Variants in TOGARAM2 observed in about 807,000 individuals in gnomAD.
TOGARAM2 encodes the protein TOG array regulator of axonemal microtubules 2, also known as TOG array regulator of axonemal microtubules protein 2.
Under a neutral mutation model 93.3 loss-of-function variants are expected in TOGARAM2, and 85 were observed. The ratio of observed to expected loss-of-function variants is 0.91; its 90% confidence interval spans 0.76 to 1.09. TOGARAM2 has a LOEUF of 1.09. Ranked by LOEUF, TOGARAM2 falls within the 50% of genes least tolerant of loss-of-function variation. The probability of loss-of-function intolerance (pLI) is 0.00; values close to 1 mark genes in which losing one functional copy is unlikely to be tolerated. For synonymous variants in TOGARAM2, 593 were observed against 552.8 expected (o/e 1.07, Z -1.02); for missense variants, 1,277 against 1,334.5 (o/e 0.96, Z 0.67).
chr2:29,007,962 G>C (rs532702929), intron 6 of TOGARAM2, among the ~76,000 whole-genome samples: 11 of 151,918 alleles, frequency 7.2e-5, no homozygotes, highest in African/African-American at 2.7e-4. Context: ...CATCTCCACT[G>C]TTCCATGTCT....
Position 29,017,968 on chromosome 2 carries a change from C to G in TOGARAM2, c.1360+12C>G. 5 of 1,587,594 alleles carry G rather than the reference C, an allele frequency of 3.1e-6. No homozygotes were observed. The highest frequency in any genetic ancestry group is 4.3e-6 in the Non-Finnish European group (5 of 1,165,580). ...CCGCCACGCCTCAGGTGGGCAGGCC[C>G]GACTGGCAGGCACACGTGTCCCTCT... is the stretch of plus-strand genomic sequence containing the variant. On this transcript the variant is annotated intron_variant, in intron 10 of 19. Transcript: ENST00000379558.
intron 11 of TOGARAM2, among the ~76,000 whole-genome samples, chr2:29,022,594 A>G (rs564899890): frequency 6.6e-6 from 1 of 152,344 alleles, no homozygotes; most frequent in African/African-American, 2.4e-5. Context: ...GCAAGGATGC[A>G]TTTGATTCCA....
At chr2:28,976,700 T>C (rs1672043727), upstream of TOGARAM2, among the ~76,000 whole-genome samples, 1 of 152,232 alleles carries the variant, frequency 6.6e-6, no homozygotes, top group Non-Finnish European at 1.5e-5. Context: ...GACTCCATCA[T>C]CTGCGATAAG....
At chr2:29,022,109 T>C in intron 10 of TOGARAM2, 49 bp from the exon 11 acceptor site, 1 of 1,611,654 alleles carries the variant, frequency 6.2e-7, no homozygotes, top group Non-Finnish European at 8.5e-7. Flanking sequence ...ACTCGGGCTC[T>C]TGCCTGTCCT....
intron 13 of TOGARAM2, among the ~76,000 whole-genome samples, chr2:29,026,417 C>T (rs941694461): frequency 3.9e-5 from 6 of 152,126 alleles, no homozygotes; most frequent in South Asian, 2.1e-4. Context: ...TGTACTTCCC[C>T]GGGGACAAAG....
chr2:29,004,919 T>C (rs60151610), intron 6 of TOGARAM2, among the ~76,000 whole-genome samples: 1 of 15,702 alleles, frequency 6.4e-5, no homozygotes, highest in Admixed American at 9.4e-4. Flanking sequence ...TGTGCATGTG[T>C]ACGTGTGTGA....
intron 18 of TOGARAM2, 110 bp from the exon 19 acceptor site, chr2:29,045,214 C>T (rs1666669683): frequency 1.3e-6 from 1 of 796,360 alleles, no homozygotes; most frequent in Non-Finnish European, 2.0e-6. Flanking sequence ...TTCAGCTCCC[C>T]CAAAGGCCTC....
intron 1 of TOGARAM2, among the ~76,000 whole-genome samples, chr2:28,990,668 G>A (rs536752432): frequency 6.6e-6 from 1 of 152,168 alleles, no homozygotes; most frequent in Non-Finnish European, 1.5e-5. Context: ...CGGTGCCCTA[G>A]TCAGACAGTA....
Position 29,024,372 on chromosome 2 carries a change from C to T in TOGARAM2, c.1851C>T (p.Val617=). The change falls in exon 13 of 20, where the codon GTC becomes GTT. Residue 617 remains valine, a splice_region_variant and synonymous_variant. Coordinates refer to ENST00000379558, the MANE Select transcript of TOGARAM2 (RefSeq NM_199280.4). ...TGGTGGTCCTCACCTCGGCGGGTGT[C>T]TAGTATGTGGCTGCCTGTTGTCTGA... ...RSLVVLTSAG[V]YHRNPLIRKY... The T allele has an allele frequency of 3.8e-6, 6 of 1,589,262 alleles. No homozygotes were observed. The highest frequency in any genetic ancestry group is 5.1e-6 in the Non-Finnish European group (6 of 1,166,386).
chr2:29,030,470 AAG>A (rs1665700577), intron 14 of TOGARAM2, among the ~76,000 whole-genome samples: 1 of 152,102 alleles, frequency 6.6e-6, no homozygotes. Context: ...CGAAAAAAAA[AAG>A]GACGTAGAAG....
chr2:29,042,545 G>A (rs1266248405), intron 18 of TOGARAM2, among the ~76,000 whole-genome samples: 5 of 152,138 alleles, frequency 3.3e-5, no homozygotes, highest in African/African-American at 4.8e-5. Flanking sequence ...AAGAACACTC[G>A]GGGGGGCTAC....
intron 3 of TOGARAM2, among the ~76,000 whole-genome samples, chr2:28,998,728 G>A (rs1241521401): frequency 6.6e-6 from 1 of 152,190 alleles, no homozygotes; most frequent in African/African-American, 2.4e-5. Flanking sequence ...AATGTGCAGA[G>A]TATTTTGTTT....
intron 7 of TOGARAM2, 50 bp from the exon 8 acceptor site, chr2:29,014,345 C>T: frequency 6.3e-7 from 1 of 1,582,720 alleles, no homozygotes; most frequent in Non-Finnish European, 8.6e-7. Context: ...TCAGTGAGCT[C>T]AGCAGTGACC....
intron 6 of TOGARAM2, among the ~76,000 whole-genome samples, chr2:29,004,944 ATGTGT>A (rs1558421028): frequency 6.0e-5 from 7 of 117,592 alleles, no homozygotes; most frequent in Admixed American, 1.7e-4. Flanking sequence ...ATGTGTGTGC[ATGTGT>A]GTGCATGTGT....
At chr2:29,010,726 G>A (rs1664193892) in intron 6 of TOGARAM2, among the ~76,000 whole-genome samples, 2 of 152,054 alleles carry the variant, frequency 1.3e-5, no homozygotes, top group Admixed American at 1.3e-4. Context: ...TGAGCTCCCG[G>A]AGGGCGGGGA....
intron 12 of TOGARAM2, 131 bp downstream of exon 12, chr2:29,023,322 A>G (rs146839174): frequency 6.8e-6 from 5 of 736,440 alleles, no homozygotes; most frequent in African/African-American, 5.3e-5. Flanking sequence ...GCCTTCAGCC[A>G]CTGAGGTAGG....
intron 11 of TOGARAM2, 73 bp downstream of exon 11, chr2:29,022,381 T>C: frequency 6.4e-7 from 1 of 1,557,546 alleles, no homozygotes; most frequent in Non-Finnish European, 8.7e-7. Flanking sequence ...CTTCTGCCCC[T>C]CAACTTCCCT....
chr2:29,015,586 G>A (rs1572710723), intron 8 of TOGARAM2, among the ~76,000 whole-genome samples: 1 of 152,236 alleles, frequency 6.6e-6, no homozygotes, highest in African/African-American at 2.4e-5. Flanking sequence ...TCTCTCCTTT[G>A]TCCACTCCTG....
chr2:29,040,366 A>T lies in TOGARAM2; in HGVS notation c.2635+3609A>T, dbSNP rs1666358403. On this transcript the variant is annotated intron_variant, in intron 18 of 19. Coordinates refer to ENST00000379558, the MANE Select transcript of TOGARAM2 (RefSeq NM_199280.4). ...ATACAAAGCATTTGAAAGGGGAAAA[A>T]AATCCCTCACTCATAGTCCCAACTC... 3.3e-5 allele frequency among the ~76,000 whole-genome samples: 5 copies of T among 152,250 alleles called. No individual in the cohort carries two copies. In the South Asian group the frequency reaches 1.0e-3, roughly 32 times the overall value.
Sources: gnomAD v4.1 joint callset for allele counts (sites outside exome capture counted in the v4.1 genomes callset) on GRCh38, gnomAD v4.1.1 for gene constraint, MANE v1.5 for transcripts, NCBI Gene and HGNC (gene_info 2026-07-23, HGNC 2026-07-21) for gene names.